CDYL: variants seen among roughly 807,000 people sequenced by gnomAD.
CDYL encodes the protein chromodomain Y-like protein.
Under a neutral mutation model 47.3 loss-of-function variants are expected in CDYL, and 8 were observed. The observed-to-expected ratio is 0.17, with a 90% CI of 0.10 to 0.31. CDYL has a LOEUF of 0.31. Ranked by LOEUF, CDYL falls within the 10% of genes least tolerant of loss-of-function variation. CDYL has a pLI of 1.00. For synonymous variants in CDYL, 266 were observed against 265.0 expected, an observed-to-expected ratio of 1.00 and a Z score of -0.04; for missense variants, 471 against 701.4, an observed-to-expected ratio of 0.67 and a Z score of 3.71.
intron 1 of CDYL, among the ~76,000 whole-genome samples, chr6:4,870,815 T>A (rs1295963165): frequency 6.6e-6 from 1 of 152,220 alleles, no homozygotes; most frequent in Non-Finnish European, 1.5e-5. Flanking sequence ...AACTCTAGAA[T>A]TATTATTTTT....
At chr6:4,826,983 G>A (rs1561656632) in intron 1 of CDYL, among the ~76,000 whole-genome samples, 3 of 152,140 alleles carry the variant, frequency 2.0e-5, no homozygotes, top group African/African-American at 7.2e-5. Context: ...GTATTTTGGA[G>A]CACTGTTGTT....
At chr6:4,869,360 C>T (rs746980897) in intron 1 of CDYL, among the ~76,000 whole-genome samples, 26 of 151,976 alleles carry the variant, frequency 1.7e-4, no homozygotes, top group Non-Finnish European at 2.6e-4. Flanking sequence ...CCTCCCAAGG[C>T]GTTGAGACTA....
Position 4,890,693 on chromosome 6 carries a change from C to T in CDYL, c.25-1020C>T, listed in dbSNP as rs201764631. Among the ~76,000 whole-genome samples the T allele has an allele frequency of 3.3e-5, 5 of 152,260 alleles. 2 individuals are homozygous for T. Among genetic ancestry groups the T allele is most frequent in the Non-Finnish European group, 1.5e-5 (1 of 68,022 alleles). On this transcript the variant is annotated intron_variant, in intron 1 of 6. Transcript: ENST00000397588. ...TAGAGAACCAGGCATGCCACAGTTT[C>T]GCCTGACCTACCTCTAACTGCCAGA...
At chr6:4,894,948 C>T (rs116130353) in intron 2 of CDYL, among the ~76,000 whole-genome samples, 1 of 150,390 alleles carries the variant, frequency 6.6e-6, no homozygotes, top group East Asian at 2.0e-4. Flanking sequence ...TATGTGTATG[C>T]ATGTGTATAT....
chr6:4,844,530 G>A (rs539902026), intron 1 of CDYL, among the ~76,000 whole-genome samples: 33 of 152,288 alleles, frequency 2.2e-4, no homozygotes, highest in Admixed American at 3.9e-4. Flanking sequence ...TGCTCTGTCC[G>A]TCCGAGTGGG....
chr6:4,797,356 T>C (rs1307083527), intron 1 of CDYL, among the ~76,000 whole-genome samples: 1 of 152,124 alleles, frequency 6.6e-6, no homozygotes, highest in African/African-American at 2.4e-5. Context: ...CTTACTGTTT[T>C]CTTTATTCCT....
chr6:4,938,244 T>G lies in CDYL; in HGVS notation c.1121+507T>G, dbSNP rs1461343096. ...TGGTTTTTTTTGTTGTTTTTTTTTT[T>G]TGTTTCTTTAAATACAAGTAGTGCA... On this transcript the variant is annotated intron_variant, in intron 4 of 6. Transcript: ENST00000397588. 4.0e-5 allele frequency among the ~76,000 whole-genome samples: 6 copies of G among 151,874 alleles called. No individual in the cohort carries two copies. In the East Asian group the frequency reaches 1.2e-3, roughly 29 times the overall value.
intron 1 of CDYL, among the ~76,000 whole-genome samples, chr6:4,857,438 A>G (rs2127466751): frequency 6.6e-6 from 1 of 152,318 alleles, no homozygotes; most frequent in South Asian, 2.1e-4. Context: ...TCGTGGGGCA[A>G]AATATGCTGA....
chr6:4,787,819 C>CTGGA (rs1758797161), intron 1 of CDYL, among the ~76,000 whole-genome samples: 1 of 125,542 alleles, frequency 8.0e-6, no homozygotes. Context: ...GTTGCCCAGG[C>CTGGA]TGGAGGGCAA....
chr6:4,950,716 C>T (rs893858862), intron 5 of CDYL, among the ~76,000 whole-genome samples: 9 of 152,198 alleles, frequency 5.9e-5, no homozygotes, highest in African/African-American at 1.7e-4. Flanking sequence ...ATCACGAGGT[C>T]AGGAGATCGA....
At chr6:4,870,625 G>A (rs1761445160) in intron 1 of CDYL, among the ~76,000 whole-genome samples, 1 of 151,874 alleles carries the variant, frequency 6.6e-6, no homozygotes. Context: ...CCTCTCCTTA[G>A]GGTATTCCCA....
At chr6:4,925,220 A>G (rs1399820114) in intron 2 of CDYL, among the ~76,000 whole-genome samples, 2 of 152,098 alleles carry the variant, frequency 1.3e-5, no homozygotes, top group African/African-American at 4.8e-5. Flanking sequence ...TTCGCAGTAT[A>G]CTCAGATCGT....
chr6:4,888,200 A>G (rs1397528165), intron 1 of CDYL, among the ~76,000 whole-genome samples: 1 of 152,108 alleles, frequency 6.6e-6, no homozygotes, highest in Non-Finnish European at 1.5e-5. Flanking sequence ...GGCCTCATAT[A>G]AAGTGTGGTA....
chr6:4,765,391 A>G (rs908170522), intron 3 of CDYL, among the ~76,000 whole-genome samples: 3 of 151,492 alleles, frequency 2.0e-5, no homozygotes, highest in African/African-American at 7.2e-5. Flanking sequence ...TATCTTTCTA[A>G]TAACATGTGG....
At chr6:4,817,322 A>G (rs1759702851) in intron 1 of CDYL, among the ~76,000 whole-genome samples, 1 of 151,416 alleles carries the variant, frequency 6.6e-6, no homozygotes. Context: ...ACTGTGACCT[A>G]CTCTTCAATC....
rs1433217793 is a variant in CDYL, at chr6:4,895,670, C to T, written c.691+3291C>T. Among the ~76,000 whole-genome samples, 4 of 152,176 alleles carry T rather than the reference C, an allele frequency of 2.6e-5. No individual in the cohort carries two copies. In the East Asian group the frequency reaches 7.8e-4, roughly 30 times the overall value. On this transcript the variant is annotated intron_variant, in intron 2 of 6. Coordinates refer to ENST00000397588, the MANE Select transcript of CDYL (RefSeq NM_004824.4). Reference sequence around the variant, plus strand: ...ACGTCCAGTTTTGGTTGGAGACCACCTCCAATGCGATCTTGCTGGTTCCCT... The same window carrying T: ...ACGTCCAGTTTTGGTTGGAGACCACTTCCAATGCGATCTTGCTGGTTCCCT...
Position 4,897,107 on chromosome 6 carries a change from C to T in CDYL, c.691+4728C>T, listed in dbSNP as rs563907483. On this transcript the variant is annotated intron_variant, in intron 2 of 6. Transcript: ENST00000397588. ...ATGGTAATTTCTTGCTCTTTTAATT[C>T]CCTAATGAATTAATCCTACAAAAGA... Among the ~76,000 whole-genome samples the T allele has an allele frequency of 3.9e-5, 6 of 152,276 alleles. No individual in the cohort carries two copies. In the South Asian group the frequency reaches 8.3e-4, roughly 21 times the overall value.
At chr6:4,854,441 C>G (rs187694891) in intron 1 of CDYL, among the ~76,000 whole-genome samples, 282 of 152,306 alleles carry the variant, frequency 1.9e-3, no homozygotes, top group Non-Finnish European at 2.2e-3. Context: ...TGTGTACACC[C>G]CACAGGCTCC....
At chr6:4,841,951 G>A (rs1760502052) in intron 1 of CDYL, among the ~76,000 whole-genome samples, 1 of 144,724 alleles carries the variant, frequency 6.9e-6, no homozygotes, top group South Asian at 2.1e-4. Flanking sequence ...TTTCTTTGTT[G>A]ACTTTATATT....
Sources: gnomAD v4.1 joint callset for allele counts (sites outside exome capture counted in the v4.1 genomes callset) on GRCh38, gnomAD v4.1.1 for gene constraint, MANE v1.5 for transcripts, NCBI Gene and HGNC (gene_info 2026-07-23, HGNC 2026-07-21) for gene names.